ZBTB24: variants seen among roughly 807,000 people sequenced by gnomAD.
The protein encoded by ZBTB24 is zinc finger and BTB domain containing 24.
In ZBTB24, 32 loss-of-function variants were observed where a neutral mutation model predicts 53.8. The ratio of observed to expected loss-of-function variants is 0.60; its 90% CI spans 0.45 to 0.80. The LOEUF is 0.80. ZBTB24 is among the 30% of genes least tolerant of loss of function. The pLI is 0.00. For missense variants in ZBTB24, 722 were observed against 837.1 expected (o/e 0.86, Z 1.70); for synonymous variants, 297 against 306.7 (o/e 0.97, Z 0.33).
rs778557681 is a variant in ZBTB24 at position 109,481,125 on chromosome 6, T to C, written c.902A>G (p.Lys301Arg). 3 of 1,614,224 alleles carry C rather than the reference T, an allele frequency of 1.9e-6. No homozygotes were observed. The South Asian group carries it at 3.3e-5, about 18-fold the overall frequency. Residue 301 changes from lysine (K) to arginine (R), a missense_variant, in exon 2 of 7, where the codon AAG becomes AGG. Physicochemically the swap from Lys to Arg is conservative, Grantham distance 26. Transcript: ENST00000230122. ...GPEARCKDCG[K>R]VFKYNHFLAI... ...TAAAAAGTGATTGTACTTAAAGACC[T>C]TGCCACAGTCTTTACAGCGGGCCTC... is the stretch of plus-strand genomic sequence containing the variant.
chr6:109,470,952 CCTAT>C (rs1465303681), intron 5 of ZBTB24, among the ~76,000 whole-genome samples: 1 of 152,202 alleles, frequency 6.6e-6, no homozygotes, highest in East Asian at 1.9e-4. Flanking sequence ...CCCAAATTTA[CCTAT>C]CTAATCCCCT....
In ZBTB24 at chr6:109,466,495, G is replaced by A; in HGVS notation, c.1450C>T (p.His484Tyr). The change falls in exon 7 of 7, where the codon CAC becomes TAC. Residue 484 changes from histidine to tyrosine, a missense_variant. Physicochemically the swap from His to Tyr is moderately conservative, Grantham distance 83. Transcript: ENST00000230122. ...SSAKRRHCIL[H>Y]TGKKPFSCPE... ...CAGGAGAAAGGCTTCTTGCCAGTGT[G>A]TAGAATGCAGTGTCTCCTTTTGGCA... The A allele has an allele frequency of 6.2e-7, 1 of 1,614,186 alleles. No individual in the cohort carries two copies. Among genetic ancestry groups the A allele is most frequent in the Non-Finnish European group, 8.5e-7 (1 of 1,180,042 alleles).
At chr6:109,473,797 T>C (rs1008191881) in intron 5 of ZBTB24, among the ~76,000 whole-genome samples, 3 of 152,036 alleles carry the variant, frequency 2.0e-5, no homozygotes, top group East Asian at 3.9e-4. Context: ...AAAAACAACA[T>C]CCAGGCCAGG....
In ZBTB24 at chr6:109,465,726, C is replaced by T. The variant is rs1562298704; in HGVS notation, c.*125G>A. ...GAGGGCATTATAAACATCAGTTAGC[C>T]ATCACAGCTCTCACAGAAGCATCTG... On this transcript the variant is annotated 3_prime_UTR_variant, in exon 7 of 7. Coordinates refer to ENST00000230122, the MANE Select transcript of ZBTB24 (RefSeq NM_014797.3). 1.2e-6 allele frequency: 2 copies of T among 1,609,352 alleles called. No individual in the cohort carries two copies. The highest frequency in any genetic ancestry group is 3.3e-5 in the Admixed American group (2 of 60,020).
At chr6:109,483,056 G>A (rs1776469990) in intron 1 of ZBTB24, 42 bp downstream of exon 1, 2 of 152,188 alleles carry the variant, frequency 1.3e-5, no homozygotes, top group Admixed American at 6.5e-5. Context: ...CAGACCTACC[G>A]CTCAGGGGCG....
intron 2 of ZBTB24, among the ~76,000 whole-genome samples, chr6:109,480,724 A>G (rs1776386685): frequency 6.6e-6 from 1 of 152,222 alleles, no homozygotes; most frequent in African/African-American, 2.4e-5. Context: ...CAACAACTAC[A>G]AATGAGAGGG....
intron 3 of ZBTB24, 134 bp downstream of exon 3, chr6:109,476,629 T>C (rs925806780): frequency 3.9e-6 from 5 of 1,280,510 alleles, no homozygotes; most frequent in African/African-American, 2.9e-5. Flanking sequence ...CTCAGACAGA[T>C]GCAAAATCCT....
In ZBTB24 at chr6:109,476,350, C is replaced by G. The variant is rs1388236713; in HGVS notation, c.1121-92G>C. 3 of 1,305,376 alleles carry G rather than the reference C, an allele frequency of 2.3e-6. No individual in the cohort carries two copies. In the African/African-American group the frequency reaches 4.4e-5, roughly 19 times the overall value. 80.9% of individuals were successfully genotyped at this position (1,305,376 alleles called of 1,614,324 possible). A position where few individuals can be genotyped will look rare whatever the true frequency, so the allele number is the denominator to read the frequency against. On this transcript the variant is annotated intron_variant, in intron 3 of 6. Coordinates refer to ENST00000230122, the MANE Select transcript of ZBTB24 (RefSeq NM_014797.3). ...GGTAAATACTACAGTGGGTCCAGGT[C>G]CCCATTTTCTACAAATGATACAAGC...
chr6:109,478,059 T>C (rs1351066581), intron 2 of ZBTB24, among the ~76,000 whole-genome samples: 2 of 152,148 alleles, frequency 1.3e-5, no homozygotes, highest in Non-Finnish European at 2.9e-5. Flanking sequence ...CCTAGGCTTC[T>C]CCTGGGCCTT....
At chr6:109,477,340 G>A (rs1776301009) in intron 2 of ZBTB24, among the ~76,000 whole-genome samples, 1 of 152,000 alleles carries the variant, frequency 6.6e-6, no homozygotes, top group Non-Finnish European at 1.5e-5. Context: ...TTTTAGAGAT[G>A]GGATCTCACT....
At chr6:109,472,589 C>T (rs1776189313) in intron 5 of ZBTB24, among the ~76,000 whole-genome samples, 1 of 152,202 alleles carries the variant, frequency 6.6e-6, no homozygotes, top group Non-Finnish European at 1.5e-5. Context: ...TCCACCACCG[C>T]TGTCTCCCTA....
At position 109,463,815 on chromosome 6, in the gene ZBTB24, T is replaced by C. The variant is rs576071101; in HGVS notation, c.*2036A>G. The C allele has an allele frequency of 1.3e-5, 2 of 152,354 alleles. No individual in the cohort carries two copies. The highest frequency in any genetic ancestry group is 4.1e-4 in the South Asian group (2 of 4,826). The allele number at this position is 152,354 out of a possible 1,614,324, so 9.4% of individuals were successfully genotyped here. ...GGCAAATGTTGGATTAAATAAACTT[T>C]TATTAACATTTTCACCTGCTTCTTT... On this transcript the variant is annotated 3_prime_UTR_variant, in exon 7 of 7. Transcript: ENST00000230122.
intron 4 of ZBTB24, 30 bp downstream of exon 4, chr6:109,476,145 C>G (rs759106243): frequency 1.2e-6 from 2 of 1,608,064 alleles, no homozygotes; most frequent in Non-Finnish European, 1.7e-6. Context: ...TTTCTTCCCC[C>G]CCAATCTAAA....
At chr6:109,474,826 C>A (rs147721331) in intron 5 of ZBTB24, among the ~76,000 whole-genome samples, 1 of 151,788 alleles carries the variant, frequency 6.6e-6, no homozygotes, top group Non-Finnish European at 1.5e-5. Context: ...ACTGCTTGAG[C>A]CCAGGAGTTC....
At chr6:109,478,781 C>G (rs982489517) in intron 2 of ZBTB24, among the ~76,000 whole-genome samples, 3 of 151,576 alleles carry the variant, frequency 2.0e-5, no homozygotes, top group Admixed American at 2.0e-4. Context: ...AAAAAAAACA[C>G]CAGGCACTCA....
chr6:109,470,752 A>G (rs1241633208), intron 5 of ZBTB24, among the ~76,000 whole-genome samples: 1 of 152,264 alleles, frequency 6.6e-6, no homozygotes, highest in African/African-American at 2.4e-5. Context: ...GAAAATACAA[A>G]GAATATTAAA....
rs570540186 is a variant in ZBTB24 at position 109,480,996 on chromosome 6, A to G, written c.952+79T>C. 4 of 1,576,200 alleles carry G rather than the reference A, an allele frequency of 2.5e-6. No homozygotes were observed. The Admixed American group carries it at 7.2e-5, about 28-fold the overall frequency. On this transcript the variant is annotated intron_variant, in intron 2 of 6. Coordinates refer to ENST00000230122, the MANE Select transcript of ZBTB24 (RefSeq NM_014797.3). Reference sequence around the variant, plus strand: ...ACAATGCCCATCACACAGAAGTTGCACAGTAAATGGAAGCTATTATTATCA... The same window carrying G: ...ACAATGCCCATCACACAGAAGTTGCGCAGTAAATGGAAGCTATTATTATCA...
At position 109,479,080 on chromosome 6, in the gene ZBTB24, G is replaced by C. The variant is rs1202907124; in HGVS notation, c.952+1995C>G. ...GAAAATATAAGAGAAAATAAAGTTA[G>C]AGAGAACAGAGAAAACAGAGAGGAG... On this transcript the variant is annotated intron_variant, in intron 2 of 6. Coordinates refer to ENST00000230122, the MANE Select transcript of ZBTB24 (RefSeq NM_014797.3). Among the ~76,000 whole-genome samples the C allele has an allele frequency of 3.9e-5, 6 of 152,270 alleles. No individual in the cohort carries two copies. The East Asian group carries it at 7.7e-4, about 20-fold the overall frequency.
Position 109,466,078 on chromosome 6 carries a change from T to G in ZBTB24, c.1867A>C (p.Ile623Leu). 1.2e-6 allele frequency: 2 copies of G among 1,614,202 alleles called. No individual in the cohort carries two copies. Among genetic ancestry groups the G allele is most frequent in the Non-Finnish European group, 1.7e-6 (2 of 1,180,040 alleles). ...QTEHIQSLNM[I>L]ESQMGPSQTE... ...TGTGAGGGCCCCATCTGGCTTTCAATCATATTGAGGCTCTGAATGTGTTCT... is the reference window on the plus strand; with the variant it reads ...TGTGAGGGCCCCATCTGGCTTTCAAGCATATTGAGGCTCTGAATGTGTTCT... Residue 623 changes from isoleucine (I) to leucine (L), a missense_variant, in exon 7 of 7, where the codon ATT becomes CTT. Physicochemically the swap from Ile to Leu is conservative, Grantham distance 5 (BLOSUM62 2). Transcript: ENST00000230122.
Sources: gnomAD v4.1 joint callset for allele counts (sites outside exome capture counted in the v4.1 genomes callset) on GRCh38, gnomAD v4.1.1 for gene constraint, MANE v1.5 for transcripts, NCBI Gene and HGNC (gene_info 2026-07-23, HGNC 2026-07-21) for gene names.